MDGA2: variants seen among roughly 807,000 people sequenced by gnomAD.
MDGA2 encodes MAM domain-containing glycosylphosphatidylinositol anchor protein 2.
In MDGA2, 40 loss-of-function variants were observed where a neutral mutation model predicts 117.8. That is an observed-to-expected ratio of 0.34 (90% CI 0.26 to 0.44). The LOEUF is 0.44. Among genes scored for constraint, MDGA2 ranks in the 20% least tolerant of loss-of-function variants. MDGA2 has a pLI of 1.00. For missense variants in MDGA2, 1,123 were observed against 1,250.6 expected (o/e 0.90, Z 1.54); for synonymous variants, 452 against 439.0 (o/e 1.03, Z -0.37).
chr14:46,898,755 G>A (rs897447029), intron 10 of MDGA2, among the ~76,000 whole-genome samples: 4 of 152,032 alleles, frequency 2.6e-5, no homozygotes, highest in African/African-American at 9.7e-5. Context: ...GACTGGATAG[G>A]ACATGAGGTT....
intron 3 of MDGA2, among the ~76,000 whole-genome samples, chr14:47,171,187 C>T (rs529334415): frequency 1.3e-5 from 2 of 151,990 alleles, no homozygotes; most frequent in African/African-American, 4.8e-5. Context: ...GTCCAGAAAG[C>T]CATAATCTCT....
At chr14:46,988,321 G>C (rs1407620345) in intron 8 of MDGA2, among the ~76,000 whole-genome samples, 1 of 151,966 alleles carries the variant, frequency 6.6e-6, no homozygotes, top group Non-Finnish European at 1.5e-5. Flanking sequence ...AAACAAGAAG[G>C]GTTGATGGAA....
chr14:47,510,550 T>TA (rs909442141), intron 1 of MDGA2, among the ~76,000 whole-genome samples: 1 of 152,084 alleles, frequency 6.6e-6, no homozygotes, highest in East Asian at 1.9e-4. Context: ...CTCAATGTCT[T>TA]AAAAAAAATC....
At chr14:47,568,914 T>A (rs1292918018) in intron 1 of MDGA2, among the ~76,000 whole-genome samples, 1 of 152,082 alleles carries the variant, frequency 6.6e-6, no homozygotes, top group African/African-American at 2.4e-5. Context: ...GGTAGGGTAA[T>A]TTCTTCCCTC....
At chr14:47,272,836 T>G (rs951488034) in intron 2 of MDGA2, among the ~76,000 whole-genome samples, 1 of 152,124 alleles carries the variant, frequency 6.6e-6, no homozygotes. Context: ...TAGAACAATA[T>G]ACATATGAGG....
chr14:47,421,218 T>G (rs1353518666), intron 1 of MDGA2, among the ~76,000 whole-genome samples: 2 of 152,124 alleles, frequency 1.3e-5, no homozygotes, highest in Non-Finnish European at 2.9e-5. Flanking sequence ...TGAAATGTTT[T>G]TTACATTTTC....
At chr14:47,666,797 T>C (rs754688544) in intron 1 of MDGA2, among the ~76,000 whole-genome samples, 1 of 152,136 alleles carries the variant, frequency 6.6e-6, no homozygotes, top group Non-Finnish European at 1.5e-5. Context: ...ACATTGCCTT[T>C]ATGAGCTATA....
At chr14:47,375,366 T>A (rs1409671061) in intron 1 of MDGA2, among the ~76,000 whole-genome samples, 1 of 152,050 alleles carries the variant, frequency 6.6e-6, no homozygotes, top group East Asian at 1.9e-4. Context: ...TCCTTAAAAA[T>A]CTTCAATGGC....
At chr14:47,050,489 C>A (rs926205496) in intron 7 of MDGA2, among the ~76,000 whole-genome samples, 6 of 151,970 alleles carry the variant, frequency 3.9e-5, no homozygotes, top group Non-Finnish European at 7.4e-5. Flanking sequence ...TGCATGCTTA[C>A]AATTTATGCA....
intron 1 of MDGA2, among the ~76,000 whole-genome samples, chr14:47,401,375 G>C (rs1222084439): frequency 1.3e-5 from 2 of 152,020 alleles, no homozygotes; most frequent in African/African-American, 4.8e-5. Context: ...TTAAGATTCC[G>C]AGCTATTACA....
chr14:47,549,329 G>T (rs1407697123), intron 1 of MDGA2, among the ~76,000 whole-genome samples: 1 of 107,236 alleles, frequency 9.3e-6, no homozygotes, highest in Non-Finnish European at 2.1e-5. Flanking sequence ...ATGTTGATAG[G>T]TTTCACCAGT....
At chr14:47,275,603 TA>T (rs1888286311) in intron 2 of MDGA2, among the ~76,000 whole-genome samples, 1 of 152,140 alleles carries the variant, frequency 6.6e-6, no homozygotes, top group African/African-American at 2.4e-5. Flanking sequence ...CAAATATACC[TA>T]AAAAGCTTTA....
chr14:47,402,661 A>C (rs556471040), intron 1 of MDGA2, among the ~76,000 whole-genome samples: 2 of 152,296 alleles, frequency 1.3e-5, no homozygotes, highest in African/African-American at 4.8e-5. Context: ...TGTTTTTTTA[A>C]ATTTTTGCAT....
At chr14:46,955,526 TG>T (rs1300447519) in intron 9 of MDGA2, among the ~76,000 whole-genome samples, 3 of 152,238 alleles carry the variant, frequency 2.0e-5, no homozygotes, top group Admixed American at 2.0e-4. Context: ...TTGCTTACTT[TG>T]TTCTTTTTCC....
intron 1 of MDGA2, among the ~76,000 whole-genome samples, chr14:47,372,229 GA>G (rs1180240618): frequency 1.3e-5 from 2 of 151,042 alleles, no homozygotes; most frequent in Non-Finnish European, 3.0e-5. Flanking sequence ...ATGACTGGGG[GA>G]AAAAAGAATA....
intron 7 of MDGA2, among the ~76,000 whole-genome samples, chr14:47,035,575 T>C (rs1461380644): frequency 1.3e-5 from 2 of 152,208 alleles, no homozygotes; most frequent in African/African-American, 2.4e-5. Context: ...ATCTTCTCAA[T>C]GACCTGTAAT....
In MDGA2 at chr14:47,600,281, T is replaced by C. The variant is rs149742624; in HGVS notation, c.280+74236A>G. 7.7e-3 allele frequency among the ~76,000 whole-genome samples: 1,174 copies of C among 151,808 alleles called. 17 individuals are homozygous for C. Among genetic ancestry groups the C allele is most frequent in the African/African-American group, 0.027 (1,135 of 41,398 alleles). ...TTGTATTTTTTCGTATTTTGTATTTTTTGGGGATTGCAGGTGGTGGCGTCC... is the reference window on the plus strand; with the variant it reads ...TTGTATTTTTTCGTATTTTGTATTTCTTGGGGATTGCAGGTGGTGGCGTCC... On this transcript the variant is annotated intron_variant, in intron 1 of 16. Coordinates refer to ENST00000399232, the MANE Select transcript of MDGA2 (RefSeq NM_001113498.3).
At position 46,973,688 on chromosome 14, in the gene MDGA2, A is replaced by C. The variant is rs116427699; in HGVS notation, c.1820-16045T>G. On this transcript the variant is annotated intron_variant, in intron 8 of 16. Coordinates refer to ENST00000399232, the MANE Select transcript of MDGA2 (RefSeq NM_001113498.3). ...AGAATGTTTCAGCTAAAGACGTTTC[A>C]GGTACAATGAAACAAACCCCAATCT... Among the ~76,000 whole-genome samples the C allele has an allele frequency of 1.3e-3, 195 of 152,296 alleles. 2 individuals carry two copies. Among genetic ancestry groups the C allele is most frequent in the African/African-American group, 4.5e-3 (188 of 41,582 alleles).
At chr14:47,629,993 TAGCAAGGTATAAA>T (rs1181421027) in intron 1 of MDGA2, among the ~76,000 whole-genome samples, 1 of 151,746 alleles carries the variant, frequency 6.6e-6, no homozygotes, top group African/African-American at 2.4e-5. Flanking sequence ...ACACTCTGAA[TAGCAAGGTATAAA>T]AGCAAGGTAT....
Sources: allele counts gnomAD v4.1 joint callset (sites outside exome capture counted in the v4.1 genomes callset), GRCh38; gene constraint gnomAD v4.1.1; transcripts MANE v1.5; gene names NCBI Gene and HGNC (gene_info 2026-07-23, HGNC 2026-07-21).